Variants in CDH19 observed in about 807,000 individuals in gnomAD.
CDH19 encodes the protein cadherin-19.
Under a neutral mutation model 64.2 loss-of-function variants are expected in CDH19, and 67 were observed. The observed-to-expected ratio is 1.04, with a 90% CI of 0.86 to 1.28. The LOEUF (loss-of-function observed/expected upper bound fraction) is 1.28, where lower values mean the gene tolerates loss of function less well. Ranked by LOEUF, CDH19 falls within the 50% of genes most tolerant of loss-of-function variation. CDH19 has a pLI of 0.00. For missense variants in CDH19, 1,030 were observed against 929.0 expected (o/e 1.11, Z -1.41); for synonymous variants, 346 against 319.3 (o/e 1.08, Z -0.89).
chr18:66,543,158 TGGGACTACA>T (rs1986957247), intron 7 of CDH19, among the ~76,000 whole-genome samples: 1 of 152,114 alleles, frequency 6.6e-6, no homozygotes, highest in Non-Finnish European at 1.5e-5. Flanking sequence ...CCTGAGTAGC[TGGGACTACA>T]GGTGCCCGCC....
At chr18:66,508,239 T>C (rs1452006703) in intron 11 of CDH19, among the ~76,000 whole-genome samples, 4 of 151,884 alleles carry the variant, frequency 2.6e-5, no homozygotes, top group Non-Finnish European at 5.9e-5. Context: ...AGTAGCAGGA[T>C]AGCAGGTGAG....
chr18:66,517,160 A>G (rs887837415), intron 9 of CDH19, among the ~76,000 whole-genome samples: 3 of 152,070 alleles, frequency 2.0e-5, no homozygotes, highest in African/African-American at 7.2e-5. Context: ...GTCGAGAGGA[A>G]GAAGTGGATA....
intron 1 of CDH19, among the ~76,000 whole-genome samples, chr18:66,577,981 C>T (rs1181557609): frequency 1.3e-5 from 2 of 151,946 alleles, no homozygotes; most frequent in African/African-American, 2.4e-5. Flanking sequence ...TTCACATTGG[C>T]TTCTCTTTGT....
At chr18:66,591,918 C>T (rs1161935942) in intron 1 of CDH19, among the ~76,000 whole-genome samples, 1 of 151,832 alleles carries the variant, frequency 6.6e-6, no homozygotes, top group Non-Finnish European at 1.5e-5. Context: ...CTTTTCTAAT[C>T]TCCAGACCTA....
chr18:66,556,120 G>T (rs987811808), intron 3 of CDH19, among the ~76,000 whole-genome samples: 1 of 151,322 alleles, frequency 6.6e-6, no homozygotes, highest in Non-Finnish European at 1.5e-5. Context: ...CTTTTTTCCA[G>T]TCCAGTTTTT....
chr18:66,541,174 T>A (rs968202775), intron 7 of CDH19, among the ~76,000 whole-genome samples: 7 of 152,112 alleles, frequency 4.6e-5, no homozygotes, highest in Non-Finnish European at 8.8e-5. Context: ...CAAGACGTGA[T>A]GAAACTGAGT....
intron 1 of CDH19, among the ~76,000 whole-genome samples, chr18:66,597,459 G>T (rs148903935): frequency 4.9e-4 from 75 of 152,144 alleles, no homozygotes; most frequent in African/African-American, 1.6e-3. Context: ...AATCAGTACA[G>T]ATTAAATACT....
chr18:66,512,091 A>C (rs984375221), intron 9 of CDH19, among the ~76,000 whole-genome samples: 1 of 151,560 alleles, frequency 6.6e-6, no homozygotes, highest in Non-Finnish European at 1.5e-5. Flanking sequence ...GTTTTTACTG[A>C]GAGCAAAACT....
Position 66,597,014 on chromosome 18 carries a change from G to A in CDH19, c.-113+6940C>T, listed in dbSNP as rs1305503091. On this transcript the variant is annotated intron_variant, in intron 1 of 11. Coordinates refer to ENST00000262150, the MANE Select transcript of CDH19 (RefSeq NM_021153.4). ...GGAGAATGGCGTTAACCCGGGAGGC[G>A]GAGCTTGCAGTGAGCCGAGATCCCG... Among the ~76,000 whole-genome samples, 157 of 137,544 alleles carry A rather than the reference G, an allele frequency of 1.1e-3. 2 individuals carry two copies. Among genetic ancestry groups the A allele is most frequent in the African/African-American group, 3.8e-3 (142 of 37,188 alleles). 90.2% of individuals were successfully genotyped at this position (137,544 alleles called of 152,430 possible).
intron 7 of CDH19, among the ~76,000 whole-genome samples, chr18:66,542,820 G>C (rs1350936863): frequency 6.6e-6 from 1 of 152,110 alleles, no homozygotes; most frequent in Non-Finnish European, 1.5e-5. Context: ...GAAGTATCTA[G>C]GTTGAGACCT....
intron 3 of CDH19, among the ~76,000 whole-genome samples, chr18:66,557,311 C>G (rs957439613): frequency 1.3e-5 from 2 of 151,976 alleles, no homozygotes; most frequent in Admixed American, 6.6e-5. Flanking sequence ...GAGGTAGTGA[C>G]ATGCCAGAGC....
rs917672194 is a variant in CDH19 at position 66,526,494 on chromosome 18, G to A, written c.1458+3351C>T. Among the ~76,000 whole-genome samples the A allele has an allele frequency of 2.6e-5, 4 of 152,126 alleles. No individual in the cohort carries two copies. The South Asian group carries it at 6.2e-4, about 24-fold the overall frequency. On this transcript the variant is annotated intron_variant, in intron 9 of 11. Transcript: ENST00000262150. The stretch of plus-strand genomic sequence containing the variant: ...TTGTAGATAATGGTATTTCATTTTT[G>A]TGGTTGTTATAGAGGTACTTCAAAG...
intron 4 of CDH19, 73 bp from the exon 5 acceptor site, chr18:66,551,331 T>C (rs1987336509): frequency 6.0e-6 from 5 of 834,298 alleles, no homozygotes; most frequent in Non-Finnish European, 1.0e-5. Flanking sequence ...TTCTTAACCA[T>C]TGCAGTATAC....
At chr18:66,522,746 T>A (rs1598978121) in intron 9 of CDH19, among the ~76,000 whole-genome samples, 1 of 151,652 alleles carries the variant, frequency 6.6e-6, no homozygotes. Context: ...TTCTGTGCTA[T>A]TCCTAGGATT....
At chr18:66,555,855 AAT>A (rs1262953105) in intron 3 of CDH19, among the ~76,000 whole-genome samples, 2 of 151,734 alleles carry the variant, frequency 1.3e-5, no homozygotes, top group African/African-American at 4.8e-5. Flanking sequence ...TCCTCATTAT[AAT>A]TCTCTATCAT....
chr18:66,515,071 A>G (rs1396582483), intron 9 of CDH19, among the ~76,000 whole-genome samples: 2 of 151,696 alleles, frequency 1.3e-5, no homozygotes, highest in Non-Finnish European at 3.0e-5. Context: ...ATTAATTTAT[A>G]TAACTCATCA....
chr18:66,527,968 G>A (rs1986289329), intron 9 of CDH19, among the ~76,000 whole-genome samples: 1 of 151,250 alleles, frequency 6.6e-6, no homozygotes, highest in South Asian at 2.1e-4. Flanking sequence ...CTAGAAATAT[G>A]AAATATAATT....
chr18:66,512,086 T>G (rs1985518942), intron 9 of CDH19, among the ~76,000 whole-genome samples: 1 of 151,694 alleles, frequency 6.6e-6, no homozygotes, highest in African/African-American at 2.4e-5. Context: ...TTCCTGTTTT[T>G]ACTGAGAGCA....
chr18:66,587,689 T>C (rs1401061473), intron 1 of CDH19, among the ~76,000 whole-genome samples: 3 of 152,100 alleles, frequency 2.0e-5, no homozygotes, highest in Non-Finnish European at 4.4e-5. Context: ...AGTTTGGCAA[T>C]CAGTAGTTGA....
Sources: gnomAD v4.1 joint callset for allele counts (sites outside exome capture counted in the v4.1 genomes callset) on GRCh38, gnomAD v4.1.1 for gene constraint, MANE v1.5 for transcripts, NCBI Gene and HGNC (gene_info 2026-07-23, HGNC 2026-07-21) for gene names.